Variants in MAN1A1 observed in about 807,000 individuals in gnomAD.
The protein encoded by MAN1A1 is mannosyl-oligosaccharide 1,2-alpha-mannosidase IA.
In MAN1A1, 29 loss-of-function variants were observed where a neutral mutation model predicts 70.8. That is an observed-to-expected ratio of 0.41 (90% CI 0.31 to 0.56). The LOEUF (loss-of-function observed/expected upper bound fraction) is 0.56. Ranked by LOEUF, MAN1A1 falls within the 20% of genes least tolerant of loss-of-function variation. The pLI, the probability that MAN1A1 is intolerant of heterozygous loss-of-function variation, is 0.29. For missense variants in MAN1A1, 747 were observed against 841.3 expected (o/e 0.89, Z 1.39); for synonymous variants, 349 against 330.1 (o/e 1.06, Z -0.62).
chr6:119,252,220 T>A (rs1293816200), intron 5 of MAN1A1, among the ~76,000 whole-genome samples: 2 of 152,188 alleles, frequency 1.3e-5, no homozygotes, highest in African/African-American at 2.4e-5. Context: ...GTTTTTGCAT[T>A]GTTGGAATTG....
At position 119,267,159 on chromosome 6, in the gene MAN1A1, T is replaced by C. The variant is rs111937579; in HGVS notation, c.898-18805A>G. On this transcript the variant is annotated intron_variant, in intron 5 of 12. Coordinates refer to ENST00000368468, the MANE Select transcript of MAN1A1 (RefSeq NM_005907.4). The stretch of plus-strand genomic sequence containing the variant: ...AGGTGGAAATGCAAAATAGTACAGA[T>C]AGTTTGGAAGACAGTTTGGCAGTTA... 4.4e-3 allele frequency among the ~76,000 whole-genome samples: 666 copies of C among 152,314 alleles called. 6 individuals carry two copies. Among genetic ancestry groups the C allele is most frequent in the African/African-American group, 0.015 (627 of 41,572 alleles).
intron 2 of MAN1A1, among the ~76,000 whole-genome samples, chr6:119,316,284 T>C (rs1772853042): frequency 6.6e-6 from 1 of 151,684 alleles, no homozygotes; most frequent in South Asian, 2.1e-4. Flanking sequence ...TTCAAGCGAT[T>C]GTCCTGCCTC....
intron 6 of MAN1A1, among the ~76,000 whole-genome samples, chr6:119,237,511 T>C (rs1162962157): frequency 6.6e-6 from 1 of 152,150 alleles, no homozygotes; most frequent in Non-Finnish European, 1.5e-5. Context: ...TCCTCCTTTT[T>C]TGCTTTTTGG....
chr6:119,305,798 C>T (rs938075062), intron 3 of MAN1A1, among the ~76,000 whole-genome samples: 5 of 152,098 alleles, frequency 3.3e-5, no homozygotes, highest in African/African-American at 7.2e-5. Flanking sequence ...TGCAAAGACT[C>T]GTATTATTTT....
intron 2 of MAN1A1, among the ~76,000 whole-genome samples, chr6:119,342,632 T>G (rs1773626599): frequency 6.6e-6 from 1 of 152,190 alleles, no homozygotes. Flanking sequence ...CTACATTGCT[T>G]CAAATGGATG....
intron 2 of MAN1A1, among the ~76,000 whole-genome samples, chr6:119,337,415 T>A (rs942539118): frequency 2.6e-5 from 4 of 152,218 alleles, no homozygotes; most frequent in Non-Finnish European, 4.4e-5. Flanking sequence ...GCATGTTTAT[T>A]TCAAAGAGCA....
At chr6:119,346,784 C>G (rs2114516680) in intron 2 of MAN1A1, among the ~76,000 whole-genome samples, 1 of 152,326 alleles carries the variant, frequency 6.6e-6, no homozygotes, top group South Asian at 2.1e-4. Flanking sequence ...TTTGTACTAG[C>G]TAACTGGCAG....
chr6:119,202,890 T>G (rs1773753260), intron 7 of MAN1A1, among the ~76,000 whole-genome samples: 1 of 152,162 alleles, frequency 6.6e-6, no homozygotes, highest in Non-Finnish European at 1.5e-5. Flanking sequence ...CTTCCCAGTG[T>G]GATTGTATTT....
chr6:119,260,608 C>T (rs1385345491), intron 5 of MAN1A1, among the ~76,000 whole-genome samples: 2 of 152,096 alleles, frequency 1.3e-5, no homozygotes, highest in Admixed American at 6.5e-5. Flanking sequence ...TTTGCTAATC[C>T]CTGAATTTTG....
chr6:119,251,291 C>T (rs1775310900), intron 5 of MAN1A1, among the ~76,000 whole-genome samples: 1 of 152,196 alleles, frequency 6.6e-6, no homozygotes, highest in South Asian at 2.1e-4. Context: ...ATCTGCTCTA[C>T]TAACGGTTCA....
chr6:119,184,965 A>G (rs1364682949), intron 11 of MAN1A1, among the ~76,000 whole-genome samples: 1 of 152,030 alleles, frequency 6.6e-6, no homozygotes, highest in Non-Finnish European at 1.5e-5. Flanking sequence ...CTTAGCTCAA[A>G]ATAACCTTGA....
intron 11 of MAN1A1, among the ~76,000 whole-genome samples, chr6:119,182,235 C>T (rs139222506): frequency 5.9e-5 from 9 of 152,284 alleles, no homozygotes; most frequent in African/African-American, 2.2e-4. Context: ...TTTTCTGCTA[C>T]TGAATTGTAA....
intron 8 of MAN1A1, among the ~76,000 whole-genome samples, chr6:119,194,513 G>A (rs142572902): frequency 1.3e-5 from 2 of 152,106 alleles, no homozygotes; most frequent in East Asian, 1.9e-4. Context: ...TTGTAGAGAC[G>A]GCATCTTGCT....
intron 6 of MAN1A1, chr6:119,210,752 G>A: frequency 5.1e-6 from 1 of 195,686 alleles, no homozygotes; most frequent in Non-Finnish European, 1.1e-5. Context: ...TGTCTACAAA[G>A]ATGCCAGCTG....
rs1257289161 is a variant in MAN1A1 at position 119,178,912 on chromosome 6, A to G, written c.*907T>C. ...AAGATGAAATACAAACAAGTGAACTAAAAGCCATATGAAATACCCTCTCTT... is the reference window on the plus strand; with the variant it reads ...AAGATGAAATACAAACAAGTGAACTGAAAGCCATATGAAATACCCTCTCTT... On this transcript the variant is annotated 3_prime_UTR_variant, in exon 13 of 13. Coordinates refer to ENST00000368468, the MANE Select transcript of MAN1A1 (RefSeq NM_005907.4). The G allele has an allele frequency of 6.6e-6, 1 of 152,160 alleles. No homozygotes were observed. Among genetic ancestry groups the G allele is most frequent in the Non-Finnish European group, 1.5e-5 (1 of 67,988 alleles). 9.4% of individuals were successfully genotyped at this position (152,160 alleles called of 1,614,324 possible). A position where few individuals can be genotyped will look rare whatever the true frequency, so the allele number is the denominator to read the frequency against.
At chr6:119,348,236 C>T (rs1389016874) in intron 2 of MAN1A1, among the ~76,000 whole-genome samples, 1 of 152,224 alleles carries the variant, frequency 6.6e-6, no homozygotes, top group Non-Finnish European at 1.5e-5. Flanking sequence ...AGAGCAAGAG[C>T]ATGCAAATTA....
Position 119,185,722 on chromosome 6 carries a change from G to A in MAN1A1, c.1719+2683C>T, listed in dbSNP as rs575550996. Among the ~76,000 whole-genome samples the A allele has an allele frequency of 2.6e-3, 398 of 151,504 alleles. 1 individual carries two copies. Among genetic ancestry groups the A allele is most frequent in the Middle Eastern group, 3.4e-3 (1 of 294 alleles). ...CTCCTGAGTAGCTGGGACTACAGGC[G>A]CCCGCCACCACGCCTGGTTAATTTT... is the stretch of plus-strand genomic sequence containing the variant. On this transcript the variant is annotated intron_variant, in intron 11 of 12. Coordinates refer to ENST00000368468, the MANE Select transcript of MAN1A1 (RefSeq NM_005907.4).
intron 6 of MAN1A1, among the ~76,000 whole-genome samples, chr6:119,221,583 A>C (rs1774362380): frequency 6.7e-6 from 1 of 149,126 alleles, no homozygotes. Context: ...AGCAATTCTC[A>C]TGCCGTAGCC....
At chr6:119,288,419 T>C (rs1014857762) in intron 5 of MAN1A1, among the ~76,000 whole-genome samples, 1 of 151,994 alleles carries the variant, frequency 6.6e-6, no homozygotes, top group Admixed American at 6.6e-5. Flanking sequence ...AAAACCAACT[T>C]ATTCATAATT....
Sources: allele counts gnomAD v4.1 joint callset (sites outside exome capture counted in the v4.1 genomes callset), GRCh38; gene constraint gnomAD v4.1.1; transcripts MANE v1.5; gene names NCBI Gene and HGNC (gene_info 2026-07-23, HGNC 2026-07-21).